CDK19: variants seen among roughly 807,000 people sequenced by gnomAD.
CDK19 encodes cyclin dependent kinase 19, also known as cyclin-dependent kinase 19.
CDK19 carries 20 observed loss-of-function variants against 68.3 expected under a neutral mutation model. The observed-to-expected ratio is 0.29, with a 90% CI of 0.21 to 0.43. CDK19 has a LOEUF of 0.43. CDK19 is among the 20% of genes least tolerant of loss of function. The pLI, the probability that CDK19 is intolerant of heterozygous loss-of-function variation, is 1.00. For synonymous variants in CDK19, 221 were observed against 222.8 expected (o/e 0.99, Z 0.07); for missense variants, 339 against 623.5 (o/e 0.54, Z 4.86).
At chr6:110,646,968 G>A (rs1317540242) in intron 4 of CDK19, among the ~76,000 whole-genome samples, 1 of 151,984 alleles carries the variant, frequency 6.6e-6, no homozygotes, top group Non-Finnish European at 1.5e-5. Flanking sequence ...AAATCCTCGT[G>A]GCTGCAAGGA....
At chr6:110,646,152 A>G (rs1731958654) in intron 4 of CDK19, 2 of 978,162 alleles carry the variant, frequency 2.0e-6, no homozygotes, top group Non-Finnish European at 3.1e-6. Flanking sequence ...CGGCATGGAG[A>G]GCACGCAGCG....
intron 2 of CDK19, among the ~76,000 whole-genome samples, chr6:110,734,744 G>A (rs554238056): frequency 1.3e-5 from 2 of 152,224 alleles, no homozygotes; most frequent in African/African-American, 4.8e-5. Context: ...CTTTGTCACA[G>A]TCTTGATTAT....
intron 2 of CDK19, among the ~76,000 whole-genome samples, chr6:110,712,616 C>CGCCCAGGTTTCCTTGCT (rs1775027629): frequency 6.6e-6 from 1 of 152,142 alleles, no homozygotes; most frequent in African/African-American, 2.4e-5. Context: ...GGGTTCTTGC[C>CGCCCAGGTTTCCTTGCT]GCCCAGGTTT....
At chr6:110,623,893 GTGTGTA>G (rs1393920136) in intron 8 of CDK19, among the ~76,000 whole-genome samples, 1 of 103,856 alleles carries the variant, frequency 9.6e-6, no homozygotes, top group Non-Finnish European at 1.9e-5. Flanking sequence ...ATATATATGT[GTGTGTA>G]TATATATATA....
At chr6:110,793,290 G>C (rs1044909847) in intron 1 of CDK19, among the ~76,000 whole-genome samples, 2 of 152,120 alleles carry the variant, frequency 1.3e-5, no homozygotes, top group Admixed American at 6.6e-5. Flanking sequence ...AATTGGCTTA[G>C]AGCAAAGGTA....
chr6:110,744,435 C>A (rs1357226381), intron 2 of CDK19, among the ~76,000 whole-genome samples: 4 of 152,016 alleles, frequency 2.6e-5, no homozygotes, highest in South Asian at 2.1e-4. Flanking sequence ...TTTGGGAGGC[C>A]AAGGCAGGAT....
At chr6:110,692,922 G>C (rs1015905979) in intron 2 of CDK19, among the ~76,000 whole-genome samples, 1 of 152,014 alleles carries the variant, frequency 6.6e-6, no homozygotes, top group Non-Finnish European at 1.5e-5. Context: ...ACTTGAACCC[G>C]GGAGAAGGAC....
chr6:110,737,327 A>G, intron 2 of CDK19, among the ~76,000 whole-genome samples: 1 of 152,378 alleles, frequency 6.6e-6, no homozygotes, highest in South Asian at 2.1e-4. Context: ...AAAAGTGAGA[A>G]GGAACAAAAC....
At chr6:110,783,494 T>C (rs774931757) in intron 1 of CDK19, among the ~76,000 whole-genome samples, 2 of 150,922 alleles carry the variant, frequency 1.3e-5, no homozygotes, top group African/African-American at 2.4e-5. Context: ...AAAAGTTAGC[T>C]GAGCGTGGTG....
At chr6:110,716,370 C>T (rs1775394470) in intron 2 of CDK19, among the ~76,000 whole-genome samples, 1 of 151,942 alleles carries the variant, frequency 6.6e-6, no homozygotes, top group Admixed American at 6.6e-5. Context: ...GTATTAATCA[C>T]TGGACCACCT....
intron 2 of CDK19, among the ~76,000 whole-genome samples, chr6:110,736,420 G>A (rs769523800): frequency 6.6e-6 from 1 of 152,150 alleles, no homozygotes; most frequent in Non-Finnish European, 1.5e-5. Flanking sequence ...ACTTGCCAAA[G>A]ATGTACAGGA....
intron 4 of CDK19, chr6:110,645,612 C>T (rs1020222558): frequency 8.1e-6 from 2 of 248,296 alleles, no homozygotes; most frequent in Non-Finnish European, 1.6e-5. Flanking sequence ...ACATCATCCT[C>T]GGTCCCTCGG....
chr6:110,636,491 T>C (rs1779784264), intron 5 of CDK19, among the ~76,000 whole-genome samples: 2 of 152,142 alleles, frequency 1.3e-5, no homozygotes. Context: ...TGGTATGCCA[T>C]ATAGACCAGC....
intron 1 of CDK19, among the ~76,000 whole-genome samples, chr6:110,800,458 A>G (rs1782269101): frequency 6.6e-6 from 1 of 152,190 alleles, no homozygotes; most frequent in African/African-American, 2.4e-5. Context: ...ATTCTACGAA[A>G]CCAGTATCAT....
At chr6:110,754,083 G>A (rs1778669495) in intron 1 of CDK19, among the ~76,000 whole-genome samples, 1 of 150,370 alleles carries the variant, frequency 6.7e-6, no homozygotes, top group South Asian at 2.1e-4. Flanking sequence ...AGGTTGGAGT[G>A]CAGTGGTGTA....
At chr6:110,803,823 T>C (rs546673433) in intron 1 of CDK19, among the ~76,000 whole-genome samples, 32 of 152,186 alleles carry the variant, frequency 2.1e-4, no homozygotes, top group African/African-American at 7.7e-4. Flanking sequence ...CAAGAATTAA[T>C]CAGGCATGGT....
At chr6:110,779,279 CCTTTCCCCAGT>C (rs976460629) in intron 1 of CDK19, among the ~76,000 whole-genome samples, 74 of 152,214 alleles carry the variant, frequency 4.9e-4, no homozygotes, top group African/African-American at 1.8e-3. Context: ...GGAATAAATG[CCTTTCCCCAGT>C]CTTTCTCCAT....
intron 1 of CDK19, among the ~76,000 whole-genome samples, chr6:110,801,994 C>T (rs564741771): frequency 2.0e-5 from 3 of 152,266 alleles, no homozygotes; most frequent in African/African-American, 4.8e-5. Context: ...TACCATCTTA[C>T]ACCAGTCAGA....
chr6:110,777,953 A>T (rs1428906562), intron 1 of CDK19, among the ~76,000 whole-genome samples: 2 of 152,322 alleles, frequency 1.3e-5, no homozygotes, highest in East Asian at 3.9e-4. Context: ...GACAGAAAGC[A>T]GAATGTGGTT....
Sources: allele counts gnomAD v4.1 joint callset (sites outside exome capture counted in the v4.1 genomes callset), GRCh38; gene constraint gnomAD v4.1.1; transcripts MANE v1.5; gene names NCBI Gene and HGNC (gene_info 2026-07-23, HGNC 2026-07-21).